The following PDE4B variants were observed in gnomAD, a reference collection of about 807,000 sequenced individuals.
PDE4B encodes the protein phosphodiesterase 4B, also known as 3',5'-cyclic-AMP phosphodiesterase 4B.
Under a neutral mutation model 82.2 loss-of-function variants are expected in PDE4B, and 20 were observed. The ratio of observed to expected loss-of-function variants is 0.24; its 90% CI spans 0.17 to 0.35. PDE4B has a LOEUF of 0.35. Ranked by LOEUF, PDE4B falls within the 10% of genes least tolerant of loss-of-function variation. The pLI is 1.00. For synonymous variants in PDE4B, 320 were observed against 318.9 expected (o/e 1.00, Z -0.04); for missense variants, 655 against 907.2 (o/e 0.72, Z 3.57).
intron 3 of PDE4B, among the ~76,000 whole-genome samples, chr1:66,054,572 T>C (rs768415856): frequency 2.7e-4 from 41 of 152,190 alleles, no homozygotes; most frequent in Non-Finnish European, 4.9e-4. Flanking sequence ...CATTTGACAA[T>C]TGGCTGTTTA....
chr1:66,228,566 G>A (rs551291932), intron 3 of PDE4B, among the ~76,000 whole-genome samples: 121 of 151,686 alleles, frequency 8.0e-4, no homozygotes, highest in Non-Finnish European at 1.5e-3. Context: ...GGAGCTTGCA[G>A]TGAGCTGAGC....
chr1:66,220,872 T>G (rs546110342), intron 3 of PDE4B, among the ~76,000 whole-genome samples: 99 of 152,276 alleles, frequency 6.5e-4, no homozygotes, highest in South Asian at 3.3e-3. Context: ...GATATCTTCA[T>G]TTATTTGTCC....
intron 3 of PDE4B, among the ~76,000 whole-genome samples, chr1:66,106,631 A>T (rs1464345320): frequency 1.3e-5 from 2 of 151,728 alleles, no homozygotes; most frequent in East Asian, 1.9e-4. Flanking sequence ...TTATTGGTGT[A>T]TTCAGAGATT....
intron 3 of PDE4B, among the ~76,000 whole-genome samples, chr1:66,241,633 TAC>T (rs975950780): frequency 9.2e-5 from 14 of 152,182 alleles, no homozygotes; most frequent in African/African-American, 3.4e-4. Flanking sequence ...AGCCTCCCGA[TAC>T]AGTTAGTTTC....
chr1:66,353,458 G>A (rs551931857), intron 8 of PDE4B, among the ~76,000 whole-genome samples: 11 of 152,182 alleles, frequency 7.2e-5, no homozygotes, highest in Non-Finnish European at 1.5e-4. Context: ...TGTTGGATGC[G>A]GATGCTCATT....
At chr1:65,806,179 G>A (rs1645752962) in intron 1 of PDE4B, among the ~76,000 whole-genome samples, 1 of 152,096 alleles carries the variant, frequency 6.6e-6, no homozygotes, top group South Asian at 2.1e-4. Flanking sequence ...CTTCTGACAT[G>A]ACTTTGAAAC....
chr1:65,957,492 C>T (rs1222453530), intron 3 of PDE4B, among the ~76,000 whole-genome samples: 1 of 152,066 alleles, frequency 6.6e-6, no homozygotes, highest in Non-Finnish European at 1.5e-5. Context: ...TTTTCTCCTA[C>T]TCTGTCACTC....
chr1:65,851,715 G>A (rs563975335), intron 1 of PDE4B, among the ~76,000 whole-genome samples: 1 of 151,786 alleles, frequency 6.6e-6, no homozygotes, highest in Non-Finnish European at 1.5e-5. Flanking sequence ...ATTCTAAAAG[G>A]TTTCTTCTTT....
At chr1:66,306,361 C>T (rs1015350036) in intron 7 of PDE4B, among the ~76,000 whole-genome samples, 1 of 152,048 alleles carries the variant, frequency 6.6e-6, no homozygotes, top group Non-Finnish European at 1.5e-5. Context: ...AACATGGAGA[C>T]CAGTAAGAGA....
In PDE4B at chr1:66,089,592, G is replaced by GT. The variant is rs573244011; in HGVS notation, c.282-157859dup. Among the ~76,000 whole-genome samples the GT allele has an allele frequency of 3.8e-4, 57 of 151,182 alleles. No individual in the cohort carries two copies. The East Asian group carries it at 8.8e-3, about 23-fold the overall frequency. ...CCATCTTGTTTCTGAGGATACAGAGGTTTTTTTTTCATAGGTATCCTATAA... is the reference window on the plus strand; with the variant it reads ...CCATCTTGTTTCTGAGGATACAGAGGTTTTTTTTTTCATAGGTATCCTATAA... On this transcript the variant is annotated intron_variant, in intron 3 of 16. Coordinates refer to ENST00000341517, the MANE Select transcript of PDE4B (RefSeq NM_002600.4).
intron 3 of PDE4B, among the ~76,000 whole-genome samples, chr1:66,139,735 C>CAA (rs10654385): frequency 0.059 from 5,848 of 99,428 alleles, 579 homozygotes; most frequent in African/African-American, 0.2. Context: ...CCTCCCCCCT[C>CAA]AAAAAAAAAA....
In PDE4B at chr1:65,845,209, A is replaced by G. The variant is rs540636168; in HGVS notation, c.-71+51961A>G. Among the ~76,000 whole-genome samples, 13 of 152,354 alleles carry G rather than the reference A, an allele frequency of 8.5e-5. No homozygotes were observed. The South Asian group carries it at 2.5e-3, about 29-fold the overall frequency. On this transcript the variant is annotated intron_variant, in intron 1 of 16. Coordinates refer to ENST00000341517, the MANE Select transcript of PDE4B (RefSeq NM_002600.4). ...GGCAGTTCAGAAGTGAGCTTAAACA[A>G]CATGCAGTACTTCTCTCCACAGTTA...
intron 3 of PDE4B, among the ~76,000 whole-genome samples, chr1:66,063,566 A>G (rs749156591): frequency 3.5e-4 from 54 of 152,150 alleles, no homozygotes; most frequent in Non-Finnish European, 5.7e-4. Flanking sequence ...TACATACATA[A>G]AGATCAGATT....
intron 3 of PDE4B, among the ~76,000 whole-genome samples, chr1:66,198,644 T>G (rs1309385676): frequency 6.6e-6 from 1 of 152,144 alleles, no homozygotes; most frequent in Non-Finnish European, 1.5e-5. Context: ...AGTTTTAGGG[T>G]ACTTGTGCAC....
intron 3 of PDE4B, among the ~76,000 whole-genome samples, chr1:66,243,614 G>T (rs1029285198): frequency 1.3e-5 from 2 of 152,168 alleles, no homozygotes; most frequent in African/African-American, 4.8e-5. Context: ...GGCATGAACT[G>T]AATTTTGAAG....
At position 65,805,678 on chromosome 1, in the gene PDE4B, G is replaced by A. The variant is rs770131944; in HGVS notation, c.-71+12430G>A. ...TCCTAAGGAAGAGTATTTAAAGGTAGAACTTTTGAAATGTTTTACATCTGG... is the reference window on the plus strand; with the variant it reads ...TCCTAAGGAAGAGTATTTAAAGGTAAAACTTTTGAAATGTTTTACATCTGG... On this transcript the variant is annotated intron_variant, in intron 1 of 16. Coordinates refer to ENST00000341517, the MANE Select transcript of PDE4B (RefSeq NM_002600.4). Among the ~76,000 whole-genome samples the A allele has an allele frequency of 7.9e-5, 12 of 152,158 alleles. No homozygotes were observed. The South Asian group carries it at 1.2e-3, about 16-fold the overall frequency.
At chr1:66,022,865 A>G (rs1653215687) in intron 3 of PDE4B, among the ~76,000 whole-genome samples, 1 of 152,178 alleles carries the variant, frequency 6.6e-6, no homozygotes. Flanking sequence ...ATTGATTGGA[A>G]TAATTTCAGA....
At chr1:65,849,307 C>T (rs1187914691) in intron 1 of PDE4B, among the ~76,000 whole-genome samples, 1 of 152,142 alleles carries the variant, frequency 6.6e-6, no homozygotes, top group East Asian at 1.9e-4. Context: ...ACTTGTCACA[C>T]TCACTGGGAG....
intron 3 of PDE4B, among the ~76,000 whole-genome samples, chr1:66,125,718 T>G (rs1169436700): frequency 6.6e-6 from 1 of 152,190 alleles, no homozygotes; most frequent in African/African-American, 2.4e-5. Flanking sequence ...CATGAATCCA[T>G]TAATTCATCC....
Sources: gnomAD v4.1 joint callset for allele counts (sites outside exome capture counted in the v4.1 genomes callset) on GRCh38, gnomAD v4.1.1 for gene constraint, MANE v1.5 for transcripts, NCBI Gene and HGNC (gene_info 2026-07-23, HGNC 2026-07-21) for gene names.